Variants in ZPR1 observed in about 807,000 individuals in gnomAD.
ZPR1 encodes the protein ZPR1 zinc finger.
ZPR1 carries 37 observed loss-of-function variants against 59.6 expected under a neutral mutation model. That is an observed-to-expected ratio of 0.62 (90% confidence interval 0.48 to 0.82). The LOEUF is 0.82. Among genes scored for constraint, ZPR1 ranks in the 40% least tolerant of loss-of-function variants. ZPR1 has a pLI of 0.00. For synonymous variants in ZPR1, 191 were observed against 215.2 expected (o/e 0.89, Z 0.99); for missense variants, 527 against 579.9 (o/e 0.91, Z 0.94).
At position 116,782,139 on chromosome 11, in the gene ZPR1, C is replaced by A. The variant is rs764261081; in HGVS notation, c.1179+19G>T. ...GGAGCCCCAGGATTCTAAGTACTGACTGGCCAGTGACCTCTTACCTGGTCC... is the reference window on the plus strand; with the variant it reads ...GGAGCCCCAGGATTCTAAGTACTGAATGGCCAGTGACCTCTTACCTGGTCC... On this transcript the variant is annotated intron_variant, in intron 12 of 13. Transcript: ENST00000227322. 6.2e-7 allele frequency: 1 copy of A among 1,606,754 alleles called. No individual in the cohort carries two copies. Among genetic ancestry groups the A allele is most frequent in the South Asian group, 1.1e-5 (1 of 90,676 alleles).
Position 116,778,773 on chromosome 11 carries a change from G to C in ZPR1, c.*152C>G. 1 of 942,238 alleles carries C rather than the reference G, an allele frequency of 1.1e-6. No homozygotes were observed. The highest frequency in any genetic ancestry group is 1.5e-6 in the Non-Finnish European group (1 of 649,144). 58.4% of individuals were successfully genotyped at this position (942,238 alleles called of 1,614,324 possible). ...ACTTGCATCACAAGCTGTTTAGAAAGTGTGCACAGATCTCTGACTCAGACC... is the reference window on the plus strand; with the variant it reads ...ACTTGCATCACAAGCTGTTTAGAAACTGTGCACAGATCTCTGACTCAGACC... On this transcript the variant is annotated 3_prime_UTR_variant, in exon 14 of 14. Coordinates refer to ENST00000227322, the MANE Select transcript of ZPR1 (RefSeq NM_003904.5).
chr11:116,784,542 C>A (rs1375995393), intron 8 of ZPR1, 94 bp from the exon 9 acceptor site: 1 of 1,220,950 alleles, frequency 8.2e-7, no homozygotes, highest in East Asian at 2.3e-5. Flanking sequence ...ATATGCTGGT[C>A]CCAGAACTGC....
intron 6 of ZPR1, 74 bp from the exon 7 acceptor site, chr11:116,785,220 G>C (rs1940866135): frequency 1.9e-6 from 3 of 1,547,868 alleles, no homozygotes; most frequent in Non-Finnish European, 2.7e-6. Context: ...CCTGGAGTGG[G>C]AGAAATGCTC....
At position 116,787,637 on chromosome 11, in the gene ZPR1, T is replaced by C; in HGVS notation, c.178A>G (p.Thr60Ala). Residue 60 changes from threonine (T) to alanine (A), a missense_variant, in exon 2 of 14, where the codon ACG (threonine) becomes GCG (alanine). Transcript: ENST00000227322. Reference protein sequence around the residue: ...LCMNCYCNGMTRLLLTKIPFF... With the variant: ...LCMNCYCNGMARLLLTKIPFF... ...GGAATCTTGGTGAGCAGGAGGCGCGTCATGCCCTGGTGAAGTAGAAAGTAG... is the reference window on the plus strand; with the variant it reads ...GGAATCTTGGTGAGCAGGAGGCGCGCCATGCCCTGGTGAAGTAGAAAGTAG... The C allele has an allele frequency of 6.2e-7, 1 of 1,610,572 alleles. No individual in the cohort carries two copies. Among genetic ancestry groups the C allele is most frequent in the Non-Finnish European group, 8.5e-7 (1 of 1,177,036 alleles).
At chr11:116,783,434 T>C (rs1940839451) in intron 10 of ZPR1, 96 bp downstream of exon 10, 4 of 1,070,440 alleles carry the variant, frequency 3.7e-6, no homozygotes, top group Non-Finnish European at 5.7e-6. Context: ...ATACCTCATG[T>C]CCCTGAACAT....
chr11:116,784,391 T>A lies in ZPR1; in HGVS notation c.878A>T (p.His293Leu), dbSNP rs375539621. 1.2e-6 allele frequency: 2 copies of A among 1,613,992 alleles called. No individual in the cohort carries two copies. The highest frequency in any genetic ancestry group is 2.7e-5 in the African/African-American group (2 of 74,902). The change falls in exon 9 of 14, where the codon CAT becomes CTT. Residue 293 changes from histidine (H) to leucine (L), a missense_variant. Transcript: ENST00000227322. ...IMATNCENCG[H>L]RTNEVKSGGA... ...GCGCCCACCCACCTCATTGGTCCGATGCCCACAGTTCTCGCAGTTGGTAGC... is the reference window on the plus strand; with the variant it reads ...GCGCCCACCCACCTCATTGGTCCGAAGCCCACAGTTCTCGCAGTTGGTAGC...
At position 116,782,021 on chromosome 11, in the gene ZPR1, A is replaced by G. The variant is rs887535721; in HGVS notation, c.1179+137T>C. The G allele has an allele frequency of 1.9e-5, 13 of 676,496 alleles. No homozygotes were observed. In the African/African-American group the frequency reaches 2.0e-4, roughly 11 times the overall value. The allele number at this position is 676,496 out of a possible 1,614,324, so 41.9% of individuals were successfully genotyped here. On this transcript the variant is annotated intron_variant, in intron 12 of 13. Coordinates refer to ENST00000227322, the MANE Select transcript of ZPR1 (RefSeq NM_003904.5). ...AACGAGACTCTGTCTCCAAAAAAAA[A>G]AAAAAGAAAAGAAAACCAGAAGAAG... is the stretch of plus-strand genomic sequence containing the variant.
Position 116,787,494 on chromosome 11 carries a change from G to C in ZPR1, c.321C>G (p.Val107=), listed in dbSNP as rs776956323. 1 of 1,613,802 alleles carries C rather than the reference G, an allele frequency of 6.2e-7. No individual in the cohort carries two copies. Among genetic ancestry groups the C allele is most frequent in the Non-Finnish European group, 8.5e-7 (1 of 1,179,770 alleles). The change falls in exon 2 of 14, where the codon GTC becomes GTG. Residue 107 remains valine (V), a synonymous_variant. Coordinates refer to ENST00000227322, the MANE Select transcript of ZPR1 (RefSeq NM_003904.5). Reference sequence around the variant, plus strand: ...GAGGTCCTCTCACCTCCAGAGCCCTGACAGACAAAGTGTAGCGCACTCCCT... The same window carrying C: ...GAGGTCCTCTCACCTCCAGAGCCCTCACAGACAAAGTGTAGCGCACTCCCT... The part of the protein sequence containing the change: ...QDQGVRYTLS[V]RALEDMNREV...
intron 5 of ZPR1, 26 bp from the exon 6 acceptor site, chr11:116,785,662 A>G (rs2134197598): frequency 6.2e-7 from 1 of 1,613,882 alleles, no homozygotes; most frequent in Non-Finnish European, 8.5e-7. Flanking sequence ...AGAGAGAGTC[A>G]CTGCAAAAGA....
intron 9 of ZPR1, among the ~76,000 whole-genome samples, chr11:116,783,853 T>A (rs1940846622): frequency 7.4e-6 from 1 of 135,860 alleles, no homozygotes; most frequent in Admixed American, 7.4e-5. Flanking sequence ...AAACTCTGAA[T>A]TTACCTTAAA....
At chr11:116,779,875 TA>T in intron 12 of ZPR1, 38 bp from the exon 13 acceptor site, 2 of 1,004,920 alleles carry the variant, frequency 2.0e-6, no homozygotes, top group Non-Finnish European at 2.8e-6. Context: ...AAATTTTACA[TA>T]ACCCCTGGTA....
rs1018911555 is a variant in ZPR1, at chr11:116,773,877, A to G, written c.*5048T>C. ...TGAATTATCTCATTTAACCCTCACA[A>G]TTCTCAAATCGTTTCATTATCATAT... On this transcript the variant is annotated 3_prime_UTR_variant, in exon 14 of 14. Transcript: ENST00000227322. 15 of 152,280 alleles carry G rather than the reference A, an allele frequency of 9.9e-5. No homozygotes were observed. Among genetic ancestry groups the G allele is most frequent in the African/African-American group, 3.4e-4 (14 of 41,556 alleles). 9.4% of individuals were successfully genotyped at this position (152,280 alleles called of 1,614,324 possible).
chr11:116,782,895 T>C, intron 11 of ZPR1, 24 bp downstream of exon 11: 1 of 1,598,196 alleles, frequency 6.3e-7, no homozygotes, highest in Non-Finnish European at 8.6e-7. Flanking sequence ...CAAAGGTGGT[T>C]TACACACTAC....
In ZPR1 at chr11:116,775,627, C is replaced by CAAAAAAAAAAAAAAAAAAAAAAAAAAA. The variant is rs36148817; in HGVS notation, c.*3271_*3297dup. ...TGGGCAACAGAGTGAGACTCCGTCT[C>CAAAAAAAAAAAAAAAAAAAAAAAAAAA]AAAAAAAAAAAAAAAAAAAAAAAAA... On this transcript the variant is annotated 3_prime_UTR_variant, in exon 14 of 14. Coordinates refer to ENST00000227322, the MANE Select transcript of ZPR1 (RefSeq NM_003904.5). 1.4e-5 allele frequency: 1 copy of CAAAAAAAAAAAAAAAAAAAAAAAAAAA among 72,916 alleles called. No homozygotes were observed. The highest frequency in any genetic ancestry group is 2.9e-5 in the Non-Finnish European group (1 of 34,868). 4.5% of individuals were successfully genotyped at this position (72,916 alleles called of 1,614,324 possible). A position where few individuals can be genotyped will look rare whatever the true frequency, so the allele number is the denominator to read the frequency against.
chr11:116,780,765 C>G (rs1040892990), intron 12 of ZPR1, among the ~76,000 whole-genome samples: 1 of 152,116 alleles, frequency 6.6e-6, no homozygotes, highest in Non-Finnish European at 1.5e-5. Flanking sequence ...AGGCTCACCC[C>G]CTACTCAGGT....
intron 12 of ZPR1, 138 bp downstream of exon 12, chr11:116,782,020 A>G: frequency 1.5e-6 from 1 of 671,400 alleles, no homozygotes; most frequent in East Asian, 2.8e-5. Context: ...TCCAAAAAAA[A>G]AAAAAAGAAA....
At position 116,774,361 on chromosome 11, in the gene ZPR1, T is replaced by G. The variant is rs1190167626; in HGVS notation, c.*4564A>C. On this transcript the variant is annotated 3_prime_UTR_variant, in exon 14 of 14. Transcript: ENST00000227322. ...AAACTTGTACCATTTGAGAGAGAAGTTTTAGTGTTACTGAAATCACAGACT... is the reference window on the plus strand; with the variant it reads ...AAACTTGTACCATTTGAGAGAGAAGGTTTAGTGTTACTGAAATCACAGACT... 6.6e-6 allele frequency: 1 copy of G among 151,634 alleles called. No homozygotes were observed. Among genetic ancestry groups the G allele is most frequent in the Non-Finnish European group, 1.5e-5 (1 of 67,874 alleles). The allele number at this position is 151,634 out of a possible 1,614,324, so 9.4% of individuals were successfully genotyped here.
chr11:116,782,146 G>A lies in ZPR1; in HGVS notation c.1179+12C>T, dbSNP rs1565320794. Reference sequence around the variant, plus strand: ...CAGGATTCTAAGTACTGACTGGCCAGTGACCTCTTACCTGGTCCATCTTCT... The same window carrying A: ...CAGGATTCTAAGTACTGACTGGCCAATGACCTCTTACCTGGTCCATCTTCT... On this transcript the variant is annotated intron_variant, in intron 12 of 13. Coordinates refer to ENST00000227322, the MANE Select transcript of ZPR1 (RefSeq NM_003904.5). 1 of 1,611,038 alleles carries A rather than the reference G, an allele frequency of 6.2e-7. No homozygotes were observed. The highest frequency in any genetic ancestry group is 2.2e-5 in the East Asian group (1 of 44,800).
chr11:116,786,370 G>A (rs1940886363), intron 4 of ZPR1, 141 bp downstream of exon 4: 3 of 812,276 alleles, frequency 3.7e-6, no homozygotes, highest in Non-Finnish European at 2.0e-6. Context: ...TATAACATAT[G>A]CAACATTCTA....
Sources: gnomAD v4.1 joint callset for allele counts (sites outside exome capture counted in the v4.1 genomes callset) on GRCh38, gnomAD v4.1.1 for gene constraint, MANE v1.5 for transcripts, NCBI Gene and HGNC (gene_info 2026-07-23, HGNC 2026-07-21) for gene names.